BRINP1: variants seen among roughly 807,000 people sequenced by gnomAD.
The protein encoded by BRINP1 is BMP/retinoic acid inducible neural specific 1.
Under a neutral mutation model 72.9 loss-of-function variants are expected in BRINP1, and 17 were observed. The ratio of observed to expected loss-of-function variants is 0.23; its 90% CI spans 0.16 to 0.35. The LOEUF (loss-of-function observed/expected upper bound fraction) is 0.35, where lower values mean the gene tolerates loss of function less well. Among genes scored for constraint, BRINP1 ranks in the 10% least tolerant of loss-of-function variants. BRINP1 has a pLI of 1.00. For missense variants in BRINP1, 850 were observed against 1,001.6 expected (o/e 0.85, Z 2.04); for synonymous variants, 418 against 378.5 (o/e 1.10, Z -1.21).
At chr9:119,253,099 C>T (rs1830409880) in intron 2 of BRINP1, among the ~76,000 whole-genome samples, 1 of 152,168 alleles carries the variant, frequency 6.6e-6, no homozygotes, top group Admixed American at 6.5e-5. Flanking sequence ...TAACTACCTG[C>T]TCAGCACCAC....
At chr9:119,200,170 T>A (rs564436500) in intron 7 of BRINP1, among the ~76,000 whole-genome samples, 1 of 152,320 alleles carries the variant, frequency 6.6e-6, no homozygotes, top group African/African-American at 2.4e-5. Context: ...GCAAATAATC[T>A]ATGTGTGCAT....
intron 1 of BRINP1, among the ~76,000 whole-genome samples, chr9:119,317,461 A>T (rs1038005173): frequency 6.6e-6 from 1 of 152,212 alleles, no homozygotes; most frequent in African/African-American, 2.4e-5. Context: ...GTTGCTCCTT[A>T]TGGATGAGCA....
chr9:119,264,877 T>C (rs2118941609), intron 2 of BRINP1, among the ~76,000 whole-genome samples: 1 of 152,324 alleles, frequency 6.6e-6, no homozygotes, highest in East Asian at 1.9e-4. Flanking sequence ...TTCACCATCT[T>C]GGCCAGGCTG....
intron 1 of BRINP1, among the ~76,000 whole-genome samples, chr9:119,326,027 A>G (rs1831236563): frequency 6.6e-6 from 1 of 152,202 alleles, no homozygotes; most frequent in African/African-American, 2.4e-5. Flanking sequence ...TGAATGAAAG[A>G]TTATTGAGCA....
intron 2 of BRINP1, among the ~76,000 whole-genome samples, chr9:119,307,068 CTG>C (rs1467579166): frequency 6.6e-6 from 1 of 151,964 alleles, no homozygotes; most frequent in African/African-American, 2.4e-5. Context: ...TGTTGGATAA[CTG>C]TTTGCTGGAG....
intron 2 of BRINP1, among the ~76,000 whole-genome samples, chr9:119,299,174 T>A (rs1457974740): frequency 6.6e-6 from 1 of 152,168 alleles, no homozygotes; most frequent in East Asian, 1.9e-4. Context: ...CAATCGATCT[T>A]AAATTTGTTC....
rs148263761 is a variant in BRINP1, at chr9:119,260,451, C to T, written c.219-11301G>A. 1.3e-3 allele frequency among the ~76,000 whole-genome samples: 196 copies of T among 152,238 alleles called. 1 individual carries two copies. The highest frequency in any genetic ancestry group is 4.6e-3 in the African/African-American group (189 of 41,534). On this transcript the variant is annotated intron_variant, in intron 2 of 7. Coordinates refer to ENST00000265922, the MANE Select transcript of BRINP1 (RefSeq NM_014618.3). ...TGTTTTATCTCATTGACCCAGACAT[C>T]AAATAATATATTTTAAGGAAATAAT...
chr9:119,236,538 A>T (rs913440126), intron 5 of BRINP1, among the ~76,000 whole-genome samples: 1 of 152,134 alleles, frequency 6.6e-6, no homozygotes, highest in Admixed American at 6.5e-5. Context: ...CCTTGGTAGG[A>T]ATATGTCATT....
chr9:119,321,609 G>A (rs940173731), intron 1 of BRINP1, among the ~76,000 whole-genome samples: 2 of 152,088 alleles, frequency 1.3e-5, no homozygotes, highest in Non-Finnish European at 2.9e-5. Context: ...CCACTAGCTG[G>A]GACTACAAGC....
At chr9:119,282,284 A>G (rs1192323751) in intron 2 of BRINP1, among the ~76,000 whole-genome samples, 1 of 152,214 alleles carries the variant, frequency 6.6e-6, no homozygotes, top group Non-Finnish European at 1.5e-5. Flanking sequence ...AACAGAAAGT[A>G]GATGAAATCC....
intron 1 of BRINP1, among the ~76,000 whole-genome samples, chr9:119,344,793 C>G (rs555407348): frequency 3.7e-4 from 57 of 152,336 alleles, no homozygotes; most frequent in African/African-American, 1.3e-3. Context: ...ATCAGATTAT[C>G]CATTGACCAT....
rs1829317205 is a variant in BRINP1, at chr9:119,166,760, G to GAGATCTTTACAATTCATTGC, written c.*304_*323dup. ...GTTTAATCTTAGCACCTGCACAGCA[G>GAGATCTTTACAATTCATTGC]AGATCTTTACAATTCATTGCATATG... is the stretch of plus-strand genomic sequence containing the variant. On this transcript the variant is annotated 3_prime_UTR_variant, in exon 8 of 8. Coordinates refer to ENST00000265922, the MANE Select transcript of BRINP1 (RefSeq NM_014618.3). 7 of 241,930 alleles carry GAGATCTTTACAATTCATTGC rather than the reference G, an allele frequency of 2.9e-5. No homozygotes were observed. Among genetic ancestry groups the GAGATCTTTACAATTCATTGC allele is most frequent in the Admixed American group, 2.6e-4 (5 of 19,416 alleles). The allele number at this position is 241,930 out of a possible 1,614,324, so 15.0% of individuals were successfully genotyped here.
chr9:119,265,799 G>A (rs1035586607), intron 2 of BRINP1, among the ~76,000 whole-genome samples: 8 of 152,024 alleles, frequency 5.3e-5, no homozygotes, highest in African/African-American at 1.2e-4. Context: ...TGTGTGTCAC[G>A]AGGTTTTGGT....
chr9:119,201,244 C>T lies in BRINP1; in HGVS notation c.1145+7475G>A, dbSNP rs929683771. Among the ~76,000 whole-genome samples, 3 of 152,254 alleles carry T rather than the reference C, an allele frequency of 2.0e-5. No individual in the cohort carries two copies. The South Asian group carries it at 6.2e-4, about 32-fold the overall frequency. On this transcript the variant is annotated intron_variant, in intron 7 of 7. Coordinates refer to ENST00000265922, the MANE Select transcript of BRINP1 (RefSeq NM_014618.3). ...AGGCAAAAGAAGATTTTACTTTGAA[C>T]TATAGGCTACTCATTAAAATTGACT...
At chr9:119,325,654 C>T (rs537491341) in intron 1 of BRINP1, among the ~76,000 whole-genome samples, 3 of 152,284 alleles carry the variant, frequency 2.0e-5, no homozygotes, top group East Asian at 1.9e-4. Flanking sequence ...TCCTACTGGT[C>T]GTCTTGCTTC....
At chr9:119,316,448 T>C (rs115426176) in intron 1 of BRINP1, among the ~76,000 whole-genome samples, 1,558 of 152,292 alleles carry the variant, frequency 0.01, 27 homozygotes, top group African/African-American at 0.036. Context: ...ATGATTTTCA[T>C]AGCTAGAGAG....
chr9:119,314,493 G>C (rs1434512252), intron 1 of BRINP1, among the ~76,000 whole-genome samples: 1 of 152,172 alleles, frequency 6.6e-6, no homozygotes, highest in African/African-American at 2.4e-5. Context: ...AGCCCCTCAA[G>C]TAGCTGGGAC....
At chr9:119,311,195 G>A (rs1831062949) in intron 2 of BRINP1, among the ~76,000 whole-genome samples, 1 of 152,112 alleles carries the variant, frequency 6.6e-6, no homozygotes. Flanking sequence ...ATAGTGTTGA[G>A]TCTGTAGCTG....
At chr9:119,190,940 A>AC (rs1456276801) in intron 7 of BRINP1, among the ~76,000 whole-genome samples, 15 of 151,978 alleles carry the variant, frequency 9.9e-5, no homozygotes, top group Non-Finnish European at 2.2e-4. Flanking sequence ...ACACATCTAA[A>AC]CCAAGTGGAA....
Sources: gnomAD v4.1 joint callset for allele counts (sites outside exome capture counted in the v4.1 genomes callset) on GRCh38, gnomAD v4.1.1 for gene constraint, MANE v1.5 for transcripts, NCBI Gene and HGNC (gene_info 2026-07-23, HGNC 2026-07-21) for gene names.